RBFOX1: variants seen among roughly 807,000 people sequenced by gnomAD.
RBFOX1 encodes the protein RNA binding fox-1 homolog 1.
RBFOX1 carries 8 observed loss-of-function variants against 57.7 expected under a neutral mutation model. That is an observed-to-expected ratio of 0.14 (90% CI 0.08 to 0.25). The LOEUF (loss-of-function observed/expected upper bound fraction) is 0.25. RBFOX1 is among the 10% of genes least tolerant of loss of function. RBFOX1 has a pLI of 1.00. For synonymous variants in RBFOX1, 326 were observed against 222.4 expected (o/e 1.47, Z -4.15); for missense variants, 611 against 548.5 (o/e 1.11, Z -1.14).
At chr16:7,402,184 C>T (rs549858823) in intron 4 of RBFOX1, among the ~76,000 whole-genome samples, 2 of 152,178 alleles carry the variant, frequency 1.3e-5, no homozygotes, top group East Asian at 1.9e-4. Flanking sequence ...TGATGAGCAA[C>T]TCTTTGAAAA....
chr16:7,500,445 C>T (rs2151809183), intron 4 of RBFOX1, among the ~76,000 whole-genome samples: 1 of 152,260 alleles, frequency 6.6e-6, no homozygotes, highest in South Asian at 2.1e-4. Flanking sequence ...TTATAATGTC[C>T]ATATTCAGTT....
intron 3 of RBFOX1, among the ~76,000 whole-genome samples, chr16:5,635,740 T>A (rs1364288874): frequency 6.6e-6 from 1 of 152,092 alleles, no homozygotes; most frequent in African/African-American, 2.4e-5. Context: ...TTGGGTGCAT[T>A]TGTAAATACT....
At chr16:6,132,974 A>AAAAAAAG (rs71142682) in intron 1 of RBFOX1, among the ~76,000 whole-genome samples, 63 of 148,072 alleles carry the variant, frequency 4.3e-4, no homozygotes, top group African/African-American at 6.4e-4. Flanking sequence ...CAAAAAAAAA[A>AAAAAAAG]AAAAGAAAAG....
chr16:6,220,466 C>G (rs531350753), intron 1 of RBFOX1, among the ~76,000 whole-genome samples: 1 of 152,262 alleles, frequency 6.6e-6, no homozygotes, highest in South Asian at 2.1e-4. Flanking sequence ...TTCATTTCTC[C>G]TAGATTCCCT....
chr16:6,871,998 T>G (rs991751863), intron 3 of RBFOX1, among the ~76,000 whole-genome samples: 1 of 149,386 alleles, frequency 6.7e-6, no homozygotes, highest in African/African-American at 2.5e-5. Context: ...CTGAAACCCT[T>G]TGTATACTCA....
At chr16:7,067,800 C>T (rs149013189) in intron 4 of RBFOX1, among the ~76,000 whole-genome samples, 1 of 150,332 alleles carries the variant, frequency 6.7e-6, no homozygotes, top group Non-Finnish European at 1.5e-5. Context: ...ATTTTTTGTC[C>T]TTGCGATAGT....
At chr16:5,546,695 G>A (rs2045220516) in intron 2 of RBFOX1, among the ~76,000 whole-genome samples, 1 of 152,060 alleles carries the variant, frequency 6.6e-6, no homozygotes, top group African/African-American at 2.4e-5. Flanking sequence ...TGTTGGTTTA[G>A]GCAAAAATTT....
intron 4 of RBFOX1, among the ~76,000 whole-genome samples, chr16:7,508,674 G>C (rs1379507772): frequency 6.6e-6 from 1 of 152,174 alleles, no homozygotes; most frequent in Non-Finnish European, 1.5e-5. Context: ...CAACCTTGTA[G>C]AGCTGGGAAT....
chr16:5,801,357 A>G (rs1386806134), intron 3 of RBFOX1, among the ~76,000 whole-genome samples: 1 of 114,514 alleles, frequency 8.7e-6, no homozygotes, highest in Non-Finnish European at 1.8e-5. Flanking sequence ...TTTTTTTTTC[A>G]ATTTGAGTTT....
intron 3 of RBFOX1, among the ~76,000 whole-genome samples, chr16:6,671,891 C>G (rs1204915428): frequency 6.6e-6 from 1 of 152,206 alleles, no homozygotes; most frequent in Non-Finnish European, 1.5e-5. Flanking sequence ...TACATTCACA[C>G]TGCCTTTTCA....
chr16:6,142,350 T>C (rs970568338), intron 1 of RBFOX1, among the ~76,000 whole-genome samples: 1 of 150,508 alleles, frequency 6.6e-6, no homozygotes, highest in South Asian at 2.1e-4. Context: ...GCCTCCCGAG[T>C]AGCTGGGACT....
intron 2 of RBFOX1, among the ~76,000 whole-genome samples, chr16:5,479,281 C>A (rs1216692355): frequency 2.6e-5 from 4 of 152,144 alleles, no homozygotes; most frequent in African/African-American, 9.7e-5. Context: ...CATGTTTGCC[C>A]TGTTCATTGC....
intron 3 of RBFOX1, among the ~76,000 whole-genome samples, chr16:6,696,425 C>G (rs1018277852): frequency 5.9e-5 from 9 of 152,062 alleles, no homozygotes; most frequent in Non-Finnish European, 1.3e-4. Context: ...GTGAAAAATG[C>G]TTTTTCATCC....
At chr16:7,489,191 G>T (rs534117686) in intron 4 of RBFOX1, among the ~76,000 whole-genome samples, 6 of 152,170 alleles carry the variant, frequency 3.9e-5, no homozygotes, top group Admixed American at 1.3e-4. Flanking sequence ...TCCTAGGTCT[G>T]CCCTATTAGG....
rs990903672 is a variant in RBFOX1, at chr16:6,284,718, T to C, written c.-126-32277T>C. ...ATTCAATCACGGTGCAGAATACCCC[T>C]GACCTTGTGAAATCAGGGGAGAATG... On this transcript the variant is annotated intron_variant, in intron 1 of 15. Transcript: ENST00000550418. 2.6e-5 allele frequency among the ~76,000 whole-genome samples: 4 copies of C among 152,282 alleles called. 1 individual carries two copies. The highest frequency in any genetic ancestry group is 2.6e-4 in the Admixed American group (4 of 15,288).
chr16:5,438,697 A>G lies in RBFOX1; in HGVS notation c.220-28519A>G, dbSNP rs549217104. On this transcript the variant is annotated intron_variant, in intron 1 of 2. Transcript: ENST00000585867. ...GGAAGCAAGGGTCACTCTGTTTTGG[A>G]GCACACCCCTTCCTCCCTGAATGTC... Among the ~76,000 whole-genome samples the G allele has an allele frequency of 8.9e-4, 136 of 152,200 alleles. 1 individual carries two copies. The highest frequency in any genetic ancestry group is 3.0e-3 in the African/African-American group (125 of 41,542).
intron 3 of RBFOX1, among the ~76,000 whole-genome samples, chr16:6,909,123 G>A (rs1183351726): frequency 6.6e-6 from 1 of 152,138 alleles, no homozygotes; most frequent in African/African-American, 2.4e-5. Flanking sequence ...AGTCCAAAAT[G>A]GGTCTTGCTG....
intron 3 of RBFOX1, among the ~76,000 whole-genome samples, chr16:6,854,029 C>A (rs11644404): frequency 0.77 from 117,600 of 152,044 alleles, 46,383 homozygotes; most frequent in African/African-American, 0.92. Context: ...GAAGGAAGGA[C>A]AGACCTCAGG....
intron 4 of RBFOX1, among the ~76,000 whole-genome samples, chr16:7,507,923 T>G (rs2073910407): frequency 6.6e-6 from 1 of 151,608 alleles, no homozygotes; most frequent in African/African-American, 2.4e-5. Context: ...TAAGGACCCA[T>G]GTTCTGTTGC....
Sources: gnomAD v4.1 joint callset for allele counts (sites outside exome capture counted in the v4.1 genomes callset) on GRCh38, gnomAD v4.1.1 for gene constraint, MANE v1.5 for transcripts, NCBI Gene and HGNC (gene_info 2026-07-23, HGNC 2026-07-21) for gene names.